Variants in ANTXR1 observed in about 807,000 individuals in gnomAD.
ANTXR1 encodes the protein anthrax toxin receptor 1.
In ANTXR1, 19 loss-of-function variants were observed where a neutral mutation model predicts 78.1. The ratio of observed to expected loss-of-function variants is 0.24; its 90% CI spans 0.17 to 0.36. The LOEUF is 0.36. Among genes scored for constraint, ANTXR1 ranks in the 10% least tolerant of loss-of-function variants. The pLI, the probability that ANTXR1 is intolerant of heterozygous loss-of-function variation, is 1.00. For missense variants in ANTXR1, 518 were observed against 718.6 expected, an observed-to-expected ratio of 0.72 and a Z score of 3.19; for synonymous variants, 273 against 260.5, an observed-to-expected ratio of 1.05 and a Z score of -0.46.
At chr2:69,197,493 G>A (rs1674692788) in intron 17 of ANTXR1, among the ~76,000 whole-genome samples, 1 of 152,230 alleles carries the variant, frequency 6.6e-6, no homozygotes, top group African/African-American at 2.4e-5. Flanking sequence ...GAACATGCCA[G>A]GACATTTTGT....
rs66899450 is a variant in ANTXR1 at position 69,085,707 on chromosome 2, T to TAA, written c.643-5143_643-5142dup. On this transcript the variant is annotated intron_variant, in intron 8 of 17. Coordinates refer to ENST00000303714, the MANE Select transcript of ANTXR1 (RefSeq NM_032208.3). ...ATCTAAGAAGACAGTGACCAAACAA[T>TAA]AAAAAAAAAACACTGTAAATTATAA... Among the ~76,000 whole-genome samples, 1,190 of 149,740 alleles carry TAA rather than the reference T, an allele frequency of 7.9e-3. 11 individuals are homozygous for TAA. Among genetic ancestry groups the TAA allele is most frequent in the African/African-American group, 0.027 (1,093 of 40,904 alleles).
intron 13 of ANTXR1, among the ~76,000 whole-genome samples, 179 bp downstream of exon 13, chr2:69,152,443 G>C (rs752182335): frequency 3.9e-5 from 6 of 152,248 alleles, no homozygotes; most frequent in African/African-American, 7.2e-5. Context: ...TGAGTCACCA[G>C]CAGTCAGTAT....
chr2:69,077,561 T>G, intron 8 of ANTXR1, 73 bp downstream of exon 8: 2 of 1,469,726 alleles, frequency 1.4e-6, no homozygotes, highest in Non-Finnish European at 1.9e-6. Context: ...AATACCCCAA[T>G]TCCATCTCTC....
rs910613434 is a variant in ANTXR1 at position 69,013,269 on chromosome 2, G to T, written c.-231G>T. On this transcript the variant is annotated 5_prime_UTR_variant, in exon 1 of 18. Coordinates refer to ENST00000303714, the MANE Select transcript of ANTXR1 (RefSeq NM_032208.3). The surrounding 1 kb of genome is among the most constrained non-coding windows in gnomAD (Gnocchi z 5.0). ...GGCAGCCCTCCCCTTTAAAAGAAGCGGAGGACAGGATTGGGATCCTTGAAA... is the reference window on the plus strand; with the variant it reads ...GGCAGCCCTCCCCTTTAAAAGAAGCTGAGGACAGGATTGGGATCCTTGAAA... The T allele has an allele frequency of 1.7e-5, 11 of 641,526 alleles. No homozygotes were observed. The highest frequency in any genetic ancestry group is 5.7e-5 in the Admixed American group (2 of 34,920). The allele number at this position is 641,526 out of a possible 1,614,324, so 39.7% of individuals were successfully genotyped here.
intron 6 of ANTXR1, among the ~76,000 whole-genome samples, chr2:69,073,504 G>A (rs10203348): frequency 0.73 from 110,688 of 152,116 alleles, 41,497 homozygotes; most frequent in African/African-American, 0.92. Flanking sequence ...GTAAGAGCCA[G>A]TCTTGTCAGA....
At chr2:69,194,891 C>T (rs868351717) in intron 17 of ANTXR1, among the ~76,000 whole-genome samples, 11 of 150,220 alleles carry the variant, frequency 7.3e-5, no homozygotes, top group Admixed American at 4.6e-4. Flanking sequence ...ATGCTCGGGC[C>T]GGGCGTGGTG....
intron 3 of ANTXR1, among the ~76,000 whole-genome samples, chr2:69,055,787 C>G (rs929857026): frequency 6.6e-6 from 1 of 152,106 alleles, no homozygotes; most frequent in African/African-American, 2.4e-5. Flanking sequence ...TCTCCTGTGT[C>G]TTTGTATATA....
intron 3 of ANTXR1, among the ~76,000 whole-genome samples, chr2:69,051,794 T>C (rs1421169176): frequency 6.6e-6 from 1 of 152,126 alleles, no homozygotes; most frequent in Non-Finnish European, 1.5e-5. Flanking sequence ...TCATCTTACT[T>C]GGCTTATGTG....
At chr2:69,178,029 T>G (rs1321293818) in intron 14 of ANTXR1, among the ~76,000 whole-genome samples, 1 of 152,196 alleles carries the variant, frequency 6.6e-6, no homozygotes, top group African/African-American at 2.4e-5. Flanking sequence ...CACTGAGGAT[T>G]TCTATACTGG....
At chr2:69,107,610 G>C (rs1403150038) in intron 10 of ANTXR1, among the ~76,000 whole-genome samples, 2 of 151,806 alleles carry the variant, frequency 1.3e-5, no homozygotes, top group Non-Finnish European at 2.9e-5. Context: ...CTGGACAAAG[G>C]CACTAAAAGT....
At chr2:69,054,240 G>A (rs1424805666) in intron 3 of ANTXR1, among the ~76,000 whole-genome samples, 1 of 152,102 alleles carries the variant, frequency 6.6e-6, no homozygotes, top group African/African-American at 2.4e-5. Context: ...ACCTGAATTT[G>A]AACTCAAGAA....
chr2:69,124,449 C>A, intron 11 of ANTXR1, 116 bp from the exon 12 acceptor site: 1 of 909,128 alleles, frequency 1.1e-6, no homozygotes, highest in Non-Finnish European at 1.8e-6. Context: ...GGAGAAGAGA[C>A]TCCAGTCTCA....
At chr2:69,243,648 A>AT (rs775496487) in intron 17 of ANTXR1, among the ~76,000 whole-genome samples, 2 of 152,300 alleles carry the variant, frequency 1.3e-5, no homozygotes, top group South Asian at 4.1e-4. Context: ...TTAAGCAGCA[A>AT]TTGTTCCCCA....
At chr2:69,099,659 G>C (rs983950714) in intron 9 of ANTXR1, among the ~76,000 whole-genome samples, 1 of 152,142 alleles carries the variant, frequency 6.6e-6, no homozygotes, top group Non-Finnish European at 1.5e-5. Context: ...ATCTCCATAT[G>C]GTTATGGTTT....
chr2:69,028,381 A>G (rs1671422741), intron 1 of ANTXR1, among the ~76,000 whole-genome samples: 1 of 152,226 alleles, frequency 6.6e-6, no homozygotes. Flanking sequence ...TGAACATTAA[A>G]TGGTGAATTT....
rs1676070532 is a variant in ANTXR1, at chr2:69,248,633, T to A, written c.*3148T>A. ...ATGGGTAACCTCATTGTAACTATCA[T>A]CAGAATGGGCAGAGATGATCTTGAA... On this transcript the variant is annotated 3_prime_UTR_variant, in exon 18 of 18. Transcript: ENST00000303714. The A allele has an allele frequency of 6.6e-6, 1 of 152,196 alleles. No individual in the cohort carries two copies. Among genetic ancestry groups the A allele is most frequent in the South Asian group, 2.1e-4 (1 of 4,822 alleles). 9.4% of individuals were successfully genotyped at this position (152,196 alleles called of 1,614,324 possible).
intron 1 of ANTXR1, 96 bp from the exon 2 acceptor site, chr2:69,039,948 A>C: frequency 1.0e-6 from 1 of 987,448 alleles, no homozygotes; most frequent in South Asian, 1.3e-5. Context: ...GTTATTGGAG[A>C]GGTCAAATGT....
intron 10 of ANTXR1, among the ~76,000 whole-genome samples, 176 bp from the exon 11 acceptor site, chr2:69,122,841 G>A (rs556729597): frequency 2.6e-5 from 4 of 152,108 alleles, no homozygotes; most frequent in East Asian, 3.9e-4. Context: ...GAGAACATGC[G>A]GTGTTTGGTT....
chr2:69,150,044 G>T (rs1673349033), intron 12 of ANTXR1, among the ~76,000 whole-genome samples: 1 of 152,200 alleles, frequency 6.6e-6, no homozygotes, highest in Non-Finnish European at 1.5e-5. Flanking sequence ...CAGCTCCCCT[G>T]GGGGCAGTCT....
Sources: allele counts gnomAD v4.1 joint callset (sites outside exome capture counted in the v4.1 genomes callset), GRCh38; gene constraint gnomAD v4.1.1; non-coding constraint Gnocchi (gnomAD v3.1); transcripts MANE v1.5; gene names NCBI Gene and HGNC (gene_info 2026-07-23, HGNC 2026-07-21).